Variants in GPD1 observed in about 807,000 individuals in gnomAD.
GPD1 encodes glycerol-3-phosphate dehydrogenase 1, also known as glycerol-3-phosphate dehydrogenase [NAD(+)], cytoplasmic.
A neutral mutation model predicts 34.4 loss-of-function variants in GPD1; 19 were observed. The observed-to-expected ratio is 0.55, with a 90% CI of 0.39 to 0.81. GPD1 has a LOEUF of 0.81. Ranked by LOEUF, GPD1 falls within the 30% of genes least tolerant of loss-of-function variation. The pLI, the probability that GPD1 is intolerant of heterozygous loss-of-function variation, is 0.00. For missense variants in GPD1, 429 were observed against 447.0 expected (o/e 0.96, Z 0.36); for synonymous variants, 172 against 174.1 (o/e 0.99, Z 0.09).
rs1183049316 is a variant in GPD1, at chr12:50,104,057, A to G, written c.7A>G (p.Ser3Gly). Residue 3 changes from serine (S) to glycine (G), a missense_variant, in exon 1 of 8, where the codon AGC becomes GGC. Coordinates refer to ENST00000301149, the MANE Select transcript of GPD1 (RefSeq NM_005276.4). ...CAGGCAGAGACGCGGCACCATGGCT[A>G]GCAAGAAAGTCTGCATTGTAGGCTC... MA[S>G]KKVCIVGSGN... 1.2e-6 allele frequency: 2 copies of G among 1,614,000 alleles called. No individual in the cohort carries two copies. Among genetic ancestry groups the G allele is most frequent in the Non-Finnish European group, 1.7e-6 (2 of 1,179,994 alleles).
At chr12:50,104,412 C>T (rs1363504144) in intron 1 of GPD1, 162 bp from the exon 2 acceptor site, 10 of 722,808 alleles carry the variant, frequency 1.4e-5, no homozygotes, top group Non-Finnish European at 2.5e-6. Flanking sequence ...TTTCTACTGC[C>T]AGGTCACTGG....
chr12:50,108,748 C>T (rs1243411422), intron 7 of GPD1, among the ~76,000 whole-genome samples: 2 of 152,218 alleles, frequency 1.3e-5, no homozygotes, highest in African/African-American at 4.8e-5. Flanking sequence ...AGCACTTTCA[C>T]ATCATACCTA....
At position 50,109,403 on chromosome 12, in the gene GPD1, C is replaced by T; in HGVS notation, c.954-20C>T. ...ACCAGGAGTGGGAGGCTAAGCTGAG[C>T]CTTTCCCTCTCCAATCTAGGTTTCC... On this transcript the variant is annotated intron_variant, in intron 7 of 7. Transcript: ENST00000301149. The T allele has an allele frequency of 7.7e-7, 1 of 1,292,564 alleles. No individual in the cohort carries two copies. The highest frequency in any genetic ancestry group is 2.3e-5 in the East Asian group (1 of 43,542). 80.1% of individuals were successfully genotyped at this position (1,292,564 alleles called of 1,614,324 possible). A position where few individuals can be genotyped will look rare whatever the true frequency, so the allele number is the denominator to read the frequency against.
chr12:50,107,681 T>G lies in GPD1; in HGVS notation c.727T>G (p.Cys243Gly). ...MEMIAFAKLFCSGPVSSATFL... is the reference protein window; with the variant it reads ...MEMIAFAKLFGSGPVSSATFL... Reference sequence around the variant, plus strand: ...GATGATAGCCTTCGCCAAGCTCTTCTGCAGTGGCCCTGTGTCCTCTGCCAC... The same window carrying G: ...GATGATAGCCTTCGCCAAGCTCTTCGGCAGTGGCCCTGTGTCCTCTGCCAC... The change falls in exon 6 of 8, where the codon TGC (cysteine) becomes GGC (glycine). Residue 243 changes from cysteine (C) to glycine (G), a missense_variant. Transcript: ENST00000301149. 6.2e-7 allele frequency: 1 copy of G among 1,614,016 alleles called. No homozygotes were observed. Among genetic ancestry groups the G allele is most frequent in the Non-Finnish European group, 8.5e-7 (1 of 1,179,848 alleles).
At position 50,106,920 on chromosome 12, in the gene GPD1, G is replaced by T. The variant is rs1425018251; in HGVS notation, c.612+3G>T. The stretch of plus-strand genomic sequence containing the variant: ...TAGAGATCTGTGGAGCCTTAAAGGT[G>T]AGAGGGGCACAGAGGCAGCTATGGG... On this transcript the variant is annotated splice_donor_region_variant and intron_variant, in intron 5 of 7. Coordinates refer to ENST00000301149, the MANE Select transcript of GPD1 (RefSeq NM_005276.4). The T allele has an allele frequency of 4.5e-6, 7 of 1,564,734 alleles. No homozygotes were observed. In the African/African-American group the frequency reaches 9.5e-5, roughly 21 times the overall value.
In GPD1 at chr12:50,111,218, A is replaced by G. The variant is rs1284899336; in HGVS notation, c.*1699A>G. 1 of 152,186 alleles carries G rather than the reference A, an allele frequency of 6.6e-6. No individual in the cohort carries two copies. The highest frequency in any genetic ancestry group is 1.5e-5 in the Non-Finnish European group (1 of 68,060). The allele number at this position is 152,186 out of a possible 1,614,324, so 9.4% of individuals were successfully genotyped here. A position where few individuals can be genotyped will look rare whatever the true frequency, so the allele number is the denominator to read the frequency against. On this transcript the variant is annotated 3_prime_UTR_variant, in exon 8 of 8. Transcript: ENST00000301149. The surrounding 1 kb of genome is among the most constrained non-coding windows in gnomAD (Gnocchi z 4.1). ...TGGGGGCAAAGGGGAAGCTTCAAGC[A>G]CTTTGCCTACTTTTGTTCACTCCCC...
At chr12:50,106,190 C>G in intron 3 of GPD1, 98 bp from the exon 4 acceptor site, 1 of 1,118,318 alleles carries the variant, frequency 8.9e-7, no homozygotes, top group South Asian at 1.6e-5. Context: ...TCGGGAGGGA[C>G]ACAGATGAGC....
rs1331788889 is a variant in GPD1 at position 50,107,288 on chromosome 12, C to T, written c.613-279C>T. The T allele has an allele frequency of 4.6e-6, 3 of 658,076 alleles. No individual in the cohort carries two copies. The African/African-American group carries it at 5.3e-5, about 12-fold the overall frequency. 40.8% of individuals were successfully genotyped at this position (658,076 alleles called of 1,614,324 possible). ...ACTATGGATCCTGGACAGCTGTTGACTTGAGGGCTGTACAATGGAATGGTC... is the reference window on the plus strand; with the variant it reads ...ACTATGGATCCTGGACAGCTGTTGATTTGAGGGCTGTACAATGGAATGGTC... On this transcript the variant is annotated intron_variant, in intron 5 of 7. Coordinates refer to ENST00000301149, the MANE Select transcript of GPD1 (RefSeq NM_005276.4).
At chr12:50,104,203 C>T (rs538786640) in intron 1 of GPD1, 112 bp downstream of exon 1, 6 of 997,646 alleles carry the variant, frequency 6.0e-6, no homozygotes, top group Non-Finnish European at 9.7e-6. Flanking sequence ...GCCCCTGCTG[C>T]TATCTTCTAT....
intron 4 of GPD1, 72 bp downstream of exon 4, chr12:50,106,498 CT>C: frequency 7.5e-7 from 1 of 1,339,540 alleles, no homozygotes; most frequent in Non-Finnish European, 1.1e-6. Flanking sequence ...CCCAACCCCA[CT>C]TAGCCATCTC....
In GPD1 at chr12:50,107,917, C is replaced by T. The variant is rs1301656140; in HGVS notation, c.847-107C>T. ...TAAGACTGTTGTGCACATCCCCATC[C>T]CTCTTTTCCTCCCAAGACCCCACTC... On this transcript the variant is annotated intron_variant, in intron 6 of 7. Coordinates refer to ENST00000301149, the MANE Select transcript of GPD1 (RefSeq NM_005276.4). 4.1e-5 allele frequency: 41 copies of T among 1,004,140 alleles called. No homozygotes were observed. The South Asian group carries it at 5.3e-4, about 13-fold the overall frequency. The allele number at this position is 1,004,140 out of a possible 1,614,324, so 62.2% of individuals were successfully genotyped here.
chr12:50,109,824 C>T lies in GPD1; in HGVS notation c.*305C>T, dbSNP rs902941481. 7.8e-5 allele frequency: 26 copies of T among 331,614 alleles called. No individual in the cohort carries two copies. Among genetic ancestry groups the T allele is most frequent in the Admixed American group, 4.7e-4 (11 of 23,494 alleles). The allele number at this position is 331,614 out of a possible 1,614,324, so 20.5% of individuals were successfully genotyped here. A position where few individuals can be genotyped will look rare whatever the true frequency, so the allele number is the denominator to read the frequency against. ...AGCCCCAGTGCTGCCTGCTTGGTGG[C>T]GGGGGTGATGTATGTGGAGAAGGGT... On this transcript the variant is annotated 3_prime_UTR_variant, in exon 8 of 8. Coordinates refer to ENST00000301149, the MANE Select transcript of GPD1 (RefSeq NM_005276.4).
rs752964205 is a variant in GPD1, at chr12:50,107,668, C to T, written c.714C>T (p.Phe238=). Residue 238 remains phenylalanine, a synonymous_variant, in exon 6 of 8, where the codon TTC becomes TTT. Coordinates refer to ENST00000301149, the MANE Select transcript of GPD1 (RefSeq NM_005276.4). ...IRLGLMEMIA[F]AKLFCSGPVS... ...TGGGACTCATGGAGATGATAGCCTT[C>T]GCCAAGCTCTTCTGCAGTGGCCCTG... 7.4e-6 allele frequency: 12 copies of T among 1,613,878 alleles called. 1 individual carries two copies. Among genetic ancestry groups the T allele is most frequent in the Admixed American group, 3.3e-5 (2 of 60,006 alleles).
chr12:50,104,056 T>A lies in GPD1; in HGVS notation c.6T>A (p.Ala2=). M[A]SKKVCIVGSG... ...TCAGGCAGAGACGCGGCACCATGGC[T>A]AGCAAGAAAGTCTGCATTGTAGGCT... is the stretch of plus-strand genomic sequence containing the variant. Residue 2 remains alanine (A), a synonymous_variant, in exon 1 of 8, where the codon GCT becomes GCA. Coordinates refer to ENST00000301149, the MANE Select transcript of GPD1 (RefSeq NM_005276.4). 6.2e-7 allele frequency: 1 copy of A among 1,614,086 alleles called. No homozygotes were observed. Among genetic ancestry groups the A allele is most frequent in the Non-Finnish European group, 8.5e-7 (1 of 1,179,994 alleles).
At chr12:50,105,382 G>A (rs1950970716) in intron 2 of GPD1, 166 bp from the exon 3 acceptor site, 4 of 648,294 alleles carry the variant, frequency 6.2e-6, no homozygotes, top group Non-Finnish European at 1.1e-5. Context: ...GGGGGAGGGA[G>A]TAGAGTGTCT....
Position 50,110,861 on chromosome 12 carries a change from G to A in GPD1, c.*1342G>A, listed in dbSNP as rs1431108399. The A allele has an allele frequency of 6.5e-6, 1 of 152,940 alleles. No homozygotes were observed. Among genetic ancestry groups the A allele is most frequent in the East Asian group, 1.9e-4 (1 of 5,208 alleles). The allele number at this position is 152,940 out of a possible 1,614,324, so 9.5% of individuals were successfully genotyped here. The stretch of plus-strand genomic sequence containing the variant: ...TGCTCCAGGATGGGGTGGCAGCAGA[G>A]GAATGTCACAGGTCAGCAGCCTAGG... On this transcript the variant is annotated 3_prime_UTR_variant, in exon 8 of 8. Coordinates refer to ENST00000301149, the MANE Select transcript of GPD1 (RefSeq NM_005276.4).
At position 50,109,716 on chromosome 12, in the gene GPD1, C is replaced by T. The variant is rs941305875; in HGVS notation, c.*197C>T. 1 of 565,192 alleles carries T rather than the reference C, an allele frequency of 1.8e-6. No homozygotes were observed. The highest frequency in any genetic ancestry group is 3.2e-6 in the Non-Finnish European group (1 of 313,746). 35.0% of individuals were successfully genotyped at this position (565,192 alleles called of 1,614,324 possible). Reference sequence around the variant, plus strand: ...TGTCAAGCCACTGGCAGCCTCATGCCACCACATTTGCCAGAAATGCAGTTG... The same window carrying T: ...TGTCAAGCCACTGGCAGCCTCATGCTACCACATTTGCCAGAAATGCAGTTG... On this transcript the variant is annotated 3_prime_UTR_variant, in exon 8 of 8. Coordinates refer to ENST00000301149, the MANE Select transcript of GPD1 (RefSeq NM_005276.4).
intron 5 of GPD1, 195 bp from the exon 6 acceptor site, chr12:50,107,372 G>C (rs1447429520): frequency 1.4e-6 from 1 of 703,030 alleles, no homozygotes. Context: ...CTCGAGGAGG[G>C]AGTATGGGGC....
chr12:50,104,297 C>T (rs191851917), intron 1 of GPD1: 9 of 697,070 alleles, frequency 1.3e-5, no homozygotes, highest in African/African-American at 5.3e-5. Flanking sequence ...CATGGGAAGG[C>T]GTCTCCAGAG....
Sources: gnomAD v4.1 joint callset for allele counts (sites outside exome capture counted in the v4.1 genomes callset) on GRCh38, gnomAD v4.1.1 for gene constraint, Gnocchi (gnomAD v3.1) non-coding constraint, MANE v1.5 for transcripts, NCBI Gene and HGNC (gene_info 2026-07-23, HGNC 2026-07-21) for gene names.